The following PIP5K1B variants were observed in gnomAD, a reference collection of about 807,000 sequenced individuals.
PIP5K1B encodes phosphatidylinositol-4-phosphate 5-kinase type 1 beta, also known as phosphatidylinositol 4-phosphate 5-kinase type-1 beta.
PIP5K1B carries 42 observed loss-of-function variants against 67.0 expected under a neutral mutation model. The ratio of observed to expected loss-of-function variants is 0.63; its 90% confidence interval spans 0.49 to 0.81. PIP5K1B has a LOEUF of 0.81. Ranked by LOEUF, PIP5K1B falls within the 30% of genes least tolerant of loss-of-function variation. PIP5K1B has a pLI of 0.00. For synonymous variants in PIP5K1B, 214 were observed against 231.4 expected (o/e 0.92, Z 0.68); for missense variants, 459 against 646.3 (o/e 0.71, Z 3.14).
chr9:68,943,304 T>G (rs1471069336), intron 14 of PIP5K1B, among the ~76,000 whole-genome samples: 3 of 152,110 alleles, frequency 2.0e-5, no homozygotes, highest in Non-Finnish European at 4.4e-5. Context: ...TTAGCCTTGA[T>G]GTGTACAAGA....
At chr9:68,860,481 G>A (rs1276416484) in intron 4 of PIP5K1B, among the ~76,000 whole-genome samples, 4 of 152,170 alleles carry the variant, frequency 2.6e-5, no homozygotes, top group African/African-American at 4.8e-5. Context: ...TTACCCGTGG[G>A]TGGGTATGAT....
chr9:68,992,789 G>A (rs1381786150), intron 15 of PIP5K1B, among the ~76,000 whole-genome samples: 4 of 128,842 alleles, frequency 3.1e-5, no homozygotes, highest in African/African-American at 6.1e-5. Flanking sequence ...GCAATGAGCC[G>A]AGATCATGCC....
intron 15 of PIP5K1B, among the ~76,000 whole-genome samples, chr9:68,994,037 A>ATTTTTTTTTTTTTT (rs67700788): frequency 8.4e-6 from 1 of 118,592 alleles, no homozygotes; most frequent in Non-Finnish European, 1.7e-5. Context: ...TTTTTCCTGA[A>ATTTTTTTTTTTTTT]TTTTTTTTTT....
chr9:68,960,036 T>C (rs1432681331), intron 14 of PIP5K1B, among the ~76,000 whole-genome samples: 1 of 152,228 alleles, frequency 6.6e-6, no homozygotes, highest in Non-Finnish European at 1.5e-5. Context: ...GGTTTAGTCC[T>C]TTGTTTCTGC....
chr9:68,937,289 C>G (rs1827315497), intron 13 of PIP5K1B, among the ~76,000 whole-genome samples: 1 of 152,172 alleles, frequency 6.6e-6, no homozygotes. Context: ...AATTTCAGAA[C>G]TTGTTGTTGG....
chr9:68,986,776 C>G (rs1830111973), intron 14 of PIP5K1B, among the ~76,000 whole-genome samples: 1 of 152,150 alleles, frequency 6.6e-6, no homozygotes, highest in Admixed American at 6.5e-5. Flanking sequence ...TTTGTCTTAA[C>G]CATGCCAGTG....
chr9:68,818,643 A>G (rs949956245), intron 3 of PIP5K1B, 98 bp downstream of exon 3: 1 of 152,418 alleles, frequency 6.6e-6, no homozygotes, highest in Non-Finnish European at 1.5e-5. Flanking sequence ...ATTCTAAAAC[A>G]TATATCTAGC....
intron 5 of PIP5K1B, among the ~76,000 whole-genome samples, chr9:68,871,327 T>C (rs1409321119): frequency 6.6e-6 from 1 of 152,240 alleles, no homozygotes; most frequent in Non-Finnish European, 1.5e-5. Flanking sequence ...TCTGCTGTTC[T>C]GATGTGAGTC....
chr9:68,937,502 T>C (rs553778526), intron 13 of PIP5K1B, among the ~76,000 whole-genome samples: 3 of 152,346 alleles, frequency 2.0e-5, no homozygotes, highest in Admixed American at 6.5e-5. Flanking sequence ...CTTTTCTTCT[T>C]TATTAGTCTG....
intron 2 of PIP5K1B, among the ~76,000 whole-genome samples, chr9:68,765,129 T>G (rs1830368403): frequency 6.6e-6 from 1 of 152,098 alleles, no homozygotes; most frequent in Admixed American, 6.5e-5. Flanking sequence ...TTACATGTTT[T>G]TACTCCAAAG....
At chr9:68,801,100 G>C (rs530711671) in intron 2 of PIP5K1B, among the ~76,000 whole-genome samples, 1 of 152,268 alleles carries the variant, frequency 6.6e-6, no homozygotes, top group African/African-American at 2.4e-5. Context: ...CCATTGCTCT[G>C]TTCCCAGATG....
chr9:68,779,927 A>T, intron 2 of PIP5K1B: 1 of 469,344 alleles, frequency 2.1e-6, no homozygotes, highest in Non-Finnish European at 3.6e-6. Context: ...GAATATACGG[A>T]CTAGCGGCCC....
At chr9:68,735,314 G>GTTTTTTTTTTTTTT (rs1335685051) in intron 1 of PIP5K1B, among the ~76,000 whole-genome samples, 1 of 16,580 alleles carries the variant, frequency 6.0e-5, no homozygotes, top group Non-Finnish European at 1.3e-4. Context: ...TTCCCCTAGT[G>GTTTTTTTTTTTTTT]TCTTTTTTTT....
At chr9:68,963,175 A>G (rs935994788) in intron 14 of PIP5K1B, 10 of 456,310 alleles carry the variant, frequency 2.2e-5, no homozygotes, top group African/African-American at 1.4e-4. Flanking sequence ...TGCAAAAATT[A>G]TTAACAGGTT....
At chr9:68,995,916 C>CT (rs1483621957) in intron 15 of PIP5K1B, among the ~76,000 whole-genome samples, 6 of 152,036 alleles carry the variant, frequency 3.9e-5, no homozygotes, top group African/African-American at 1.4e-4. Flanking sequence ...TTTGAGTGCT[C>CT]TGAATCACAG....
intron 1 of PIP5K1B, among the ~76,000 whole-genome samples, chr9:68,732,917 G>A (rs1385855503): frequency 2.1e-5 from 1 of 47,584 alleles, no homozygotes; most frequent in Non-Finnish European, 4.0e-5. Context: ...GAGGTGGGTT[G>A]GGGGGGGGGC....
chr9:68,813,263 G>A (rs1056458120), intron 2 of PIP5K1B, among the ~76,000 whole-genome samples: 13 of 152,188 alleles, frequency 8.5e-5, no homozygotes, highest in African/African-American at 3.1e-4. Flanking sequence ...AGCAATGAAC[G>A]TTGCAAAACT....
At chr9:68,913,395 C>A (rs1370620017) in intron 8 of PIP5K1B, among the ~76,000 whole-genome samples, 2 of 152,188 alleles carry the variant, frequency 1.3e-5, no homozygotes, top group Admixed American at 6.5e-5. Flanking sequence ...TGTCATGTTG[C>A]AGAATGTTGC....
At chr9:68,924,410 A>G (rs1259998806) in intron 12 of PIP5K1B, among the ~76,000 whole-genome samples, 6 of 150,796 alleles carry the variant, frequency 4.0e-5, no homozygotes, top group Non-Finnish European at 8.9e-5. Context: ...TCAAAAAAAA[A>G]AAAAAAAAAA....
Sources: gnomAD v4.1 joint callset for allele counts (sites outside exome capture counted in the v4.1 genomes callset) on GRCh38, gnomAD v4.1.1 for gene constraint, MANE v1.5 for transcripts, NCBI Gene and HGNC (gene_info 2026-07-23, HGNC 2026-07-21) for gene names.